The following COL27A1 variants were observed in gnomAD, a reference collection of about 807,000 sequenced individuals.
The protein encoded by COL27A1 is collagen type XXVII alpha 1 chain.
In COL27A1, 106 loss-of-function variants were observed where a neutral mutation model predicts 251.3. That is an observed-to-expected ratio of 0.42 (90% CI 0.36 to 0.50). COL27A1 has a LOEUF of 0.50. COL27A1 is among the 20% of genes least tolerant of loss of function. The pLI is 0.00. For synonymous variants in COL27A1, 1,000 were observed against 986.3 expected (o/e 1.01, Z -0.26); for missense variants, 2,325 against 2,522.8 (o/e 0.92, Z 1.68).
At chr9:114,288,579 G>A (rs1827677937) in intron 42 of COL27A1, 68 bp downstream of exon 42, 1 of 1,555,854 alleles carries the variant, frequency 6.4e-7, no homozygotes, top group Admixed American at 1.9e-5. Flanking sequence ...GCTGCATGGA[G>A]AGGGGTGGGC....
intron 57 of COL27A1, among the ~76,000 whole-genome samples, chr9:114,305,130 TC>T (rs1237554769): frequency 6.6e-6 from 1 of 152,200 alleles, no homozygotes; most frequent in Non-Finnish European, 1.5e-5. Flanking sequence ...GAGTCCCATG[TC>T]CTCTAGTCCA....
chr9:114,276,462 A>G (rs1000724442), intron 37 of COL27A1, among the ~76,000 whole-genome samples: 12 of 152,240 alleles, frequency 7.9e-5, no homozygotes, highest in Non-Finnish European at 1.6e-4. Context: ...AAAATTAGTC[A>G]GGCATGGTGG....
rs563190778 is a variant in COL27A1, at chr9:114,160,300, G to A, written c.63-2415G>A. 1.7e-4 allele frequency among the ~76,000 whole-genome samples: 26 copies of A among 151,998 alleles called. No individual in the cohort carries two copies. In the South Asian group the frequency reaches 2.7e-3, roughly 16 times the overall value. ...CTCCCAGGTAGCTGGGACTACAGGC[G>A]CCCGCCACCACGCCTGGCTAATTTT... is the stretch of plus-strand genomic sequence containing the variant. On this transcript the variant is annotated intron_variant, in intron 1 of 60. Coordinates refer to ENST00000356083, the MANE Select transcript of COL27A1 (RefSeq NM_032888.4).
chr9:114,171,578 C>G lies in COL27A1; in HGVS notation c.1908+2115C>G, dbSNP rs536260844. Among the ~76,000 whole-genome samples the G allele has an allele frequency of 3.9e-5, 6 of 152,272 alleles. No individual in the cohort carries two copies. In the East Asian group the frequency reaches 1.2e-3, roughly 29 times the overall value. ...TCCCAGGCTCAATTCATCCTCCTGCCTCAGCCTCCCAGGTAGCTGGGACTA... is the reference window on the plus strand; with the variant it reads ...TCCCAGGCTCAATTCATCCTCCTGCGTCAGCCTCCCAGGTAGCTGGGACTA... On this transcript the variant is annotated intron_variant, in intron 3 of 60. Coordinates refer to ENST00000356083, the MANE Select transcript of COL27A1 (RefSeq NM_032888.4).
chr9:114,164,486 C>A (rs954447454), intron 2 of COL27A1, among the ~76,000 whole-genome samples: 1 of 152,124 alleles, frequency 6.6e-6, no homozygotes, highest in Non-Finnish European at 1.5e-5. Flanking sequence ...AGAAACCCAC[C>A]CAGTGGATAG....
At chr9:114,310,159 A>G (rs1461203522) in intron 60 of COL27A1, among the ~76,000 whole-genome samples, 1 of 152,192 alleles carries the variant, frequency 6.6e-6, no homozygotes. Context: ...AAGACTACAC[A>G]TTGGGTACCG....
chr9:114,206,156 A>G, intron 9 of COL27A1, 96 bp from the exon 10 acceptor site: 12 of 1,194,202 alleles, frequency 1.0e-5, no homozygotes, highest in Non-Finnish European at 1.5e-5. Flanking sequence ...CTACAAAGAG[A>G]GCAGCAGAGG....
chr9:114,171,500 A>G (rs1159075646), intron 3 of COL27A1, among the ~76,000 whole-genome samples: 3 of 151,580 alleles, frequency 2.0e-5, no homozygotes, highest in Non-Finnish European at 4.4e-5. Flanking sequence ...GTCTCACTCT[A>G]TCACCCAGGC....
At chr9:114,164,228 A>T (rs1476607148) in intron 2 of COL27A1, among the ~76,000 whole-genome samples, 1 of 152,224 alleles carries the variant, frequency 6.6e-6, no homozygotes, top group Non-Finnish European at 1.5e-5. Context: ...ATCAAGTGAG[A>T]TCATGCCTGT....
At chr9:114,209,441 C>A in intron 10 of COL27A1, 2 of 766,454 alleles carry the variant, frequency 2.6e-6, no homozygotes, top group South Asian at 2.7e-5. Context: ...CCTTCCCTGG[C>A]GTGAGGGTAT....
chr9:114,246,115 A>G (rs890056984), intron 24 of COL27A1: 9 of 521,326 alleles, frequency 1.7e-5, no homozygotes, highest in Non-Finnish European at 2.7e-5. Context: ...GCTGTGGATC[A>G]TAGTCACGAC....
chr9:114,228,810 C>T (rs1831707637), intron 14 of COL27A1, among the ~76,000 whole-genome samples: 1 of 152,154 alleles, frequency 6.6e-6, no homozygotes, highest in Non-Finnish European at 1.5e-5. Context: ...GACCTGAAAG[C>T]AGAATTTCTT....
intron 24 of COL27A1, 94 bp from the exon 25 acceptor site, chr9:114,250,521 A>T: frequency 1.7e-6 from 2 of 1,171,936 alleles, no homozygotes; most frequent in Non-Finnish European, 1.3e-6. Context: ...CACGGGTGGG[A>T]GACACCTGGG....
rs767956787 is a variant in COL27A1, at chr9:114,236,974, C to A, written c.2620-7C>A. 8 of 1,613,444 alleles carry A rather than the reference C, an allele frequency of 5.0e-6. No homozygotes were observed. In the Admixed American group the frequency reaches 1.3e-4, roughly 27 times the overall value. The stretch of plus-strand genomic sequence containing the variant: ...ACTAACCCCAGCCTGCTCTGGATCT[C>A]TTCCAGGGGAGCCAGGGGTTGCCAG... On this transcript the variant is annotated splice_region_variant and splice_polypyrimidine_tract_variant and intron_variant, in intron 17 of 60. Coordinates refer to ENST00000356083, the MANE Select transcript of COL27A1 (RefSeq NM_032888.4).
At chr9:114,206,574 G>A (rs1221133896) in intron 10 of COL27A1, among the ~76,000 whole-genome samples, 1 of 152,244 alleles carries the variant, frequency 6.6e-6, no homozygotes, top group Non-Finnish European at 1.5e-5. Context: ...TTTGTTTGCT[G>A]TGTCTCCTGG....
Position 114,312,015 on chromosome 9 carries a change from T to C in COL27A1, c.*1320T>C, listed in dbSNP as rs147052722. ...CAAGGAGACAGAATAATAATGGGAATCTCGGAGTTCGACACCATAGTGACG... is the reference window on the plus strand; with the variant it reads ...CAAGGAGACAGAATAATAATGGGAACCTCGGAGTTCGACACCATAGTGACG... On this transcript the variant is annotated 3_prime_UTR_variant, in exon 61 of 61. Transcript: ENST00000356083. 1 of 152,240 alleles carries C rather than the reference T, an allele frequency of 6.6e-6. No individual in the cohort carries two copies. Among genetic ancestry groups the C allele is most frequent in the Non-Finnish European group, 1.5e-5 (1 of 68,046 alleles). The allele number at this position is 152,240 out of a possible 1,614,324, so 9.4% of individuals were successfully genotyped here. A position where few individuals can be genotyped will look rare whatever the true frequency, so the allele number is the denominator to read the frequency against.
At chr9:114,284,700 T>C in intron 40 of COL27A1, 24 bp from the exon 41 acceptor site, 1 of 1,613,438 alleles carries the variant, frequency 6.2e-7, no homozygotes, top group Non-Finnish European at 8.5e-7. Context: ...CATTCTCACT[T>C]CCCTCCTTCT....
intron 6 of COL27A1, among the ~76,000 whole-genome samples, 193 bp from the exon 7 acceptor site, chr9:114,195,766 T>A (rs927729127): frequency 6.6e-6 from 1 of 152,056 alleles, no homozygotes. Context: ...CTGAGTTGAG[T>A]GGGGAAGGGG....
intron 27 of COL27A1, 30 bp from the exon 28 acceptor site, chr9:114,258,511 G>A: frequency 1.2e-6 from 2 of 1,605,416 alleles, no homozygotes; most frequent in Non-Finnish European, 1.7e-6. Context: ...CTAAAAAGGG[G>A]CCTCTCCAAA....
Sources: gnomAD v4.1 joint callset for allele counts (sites outside exome capture counted in the v4.1 genomes callset) on GRCh38, gnomAD v4.1.1 for gene constraint, MANE v1.5 for transcripts, NCBI Gene and HGNC (gene_info 2026-07-23, HGNC 2026-07-21) for gene names.